Variants in PREP observed in about 807,000 individuals in gnomAD.
The protein encoded by PREP is dJ355L5.1 (prolyl endopeptidase).
In PREP, 29 loss-of-function variants were observed where a neutral mutation model predicts 87.6. The observed-to-expected ratio is 0.33, with a 90% confidence interval of 0.25 to 0.45. The LOEUF (loss-of-function observed/expected upper bound fraction) is 0.45. Ranked by LOEUF, PREP falls within the 20% of genes least tolerant of loss-of-function variation. The probability of loss-of-function intolerance (pLI) is 1.00; values close to 1 mark genes in which losing one functional copy is unlikely to be tolerated. For synonymous variants in PREP, 337 were observed against 328.6 expected, an observed-to-expected ratio of 1.03 and a Z score of -0.28; for missense variants, 695 against 886.5, an observed-to-expected ratio of 0.78 and a Z score of 2.74.
At chr6:105,302,883 C>A in intron 10 of PREP, 1 of 293,196 alleles carries the variant, frequency 3.4e-6, no homozygotes, top group South Asian at 2.9e-5. Context: ...TTTTGACCCT[C>A]AAATACCTAT....
rs1305170608 is a variant in PREP at position 105,278,675 on chromosome 6, G to T, written c.1839-237C>A. On this transcript the variant is annotated intron_variant, in intron 14 of 14. Coordinates refer to ENST00000652536, the MANE Select transcript of PREP (RefSeq NM_002726.5). The surrounding 1 kb of genome is among the most constrained non-coding windows in gnomAD (Gnocchi z 4.2). ...AAGACTGTAGGAAGGAAGCTCACAG[G>T]TCTGTTGAAACAACCCAAATCACAG... is the stretch of plus-strand genomic sequence containing the variant. Among the ~76,000 whole-genome samples the T allele has an allele frequency of 6.6e-6, 1 of 152,186 alleles. No homozygotes were observed. Among genetic ancestry groups the T allele is most frequent in the Non-Finnish European group, 1.5e-5 (1 of 68,030 alleles).
intron 5 of PREP, among the ~76,000 whole-genome samples, chr6:105,370,752 GA>G (rs1772516259): frequency 6.6e-6 from 1 of 152,082 alleles, no homozygotes; most frequent in Non-Finnish European, 1.5e-5. Flanking sequence ...ATCAGTAAGC[GA>G]AAAAAGCCAA....
At chr6:105,304,427 G>A (rs899459510) in intron 10 of PREP, among the ~76,000 whole-genome samples, 2 of 152,166 alleles carry the variant, frequency 1.3e-5, no homozygotes, top group Non-Finnish European at 2.9e-5. Context: ...AGGAACCCAA[G>A]TCATACATCT....
intron 7 of PREP, among the ~76,000 whole-genome samples, chr6:105,339,092 G>A (rs1246792967): frequency 6.6e-6 from 1 of 152,188 alleles, no homozygotes; most frequent in African/African-American, 2.4e-5. Flanking sequence ...CTCCTAAAGT[G>A]GGTCCCTGAC....
intron 2 of PREP, among the ~76,000 whole-genome samples, chr6:105,388,842 A>G (rs1316198617): frequency 6.6e-6 from 1 of 152,242 alleles, no homozygotes; most frequent in East Asian, 1.9e-4. Flanking sequence ...GGTGTCTCAC[A>G]GGCCAGCTCT....
intron 6 of PREP, among the ~76,000 whole-genome samples, chr6:105,356,398 C>T (rs983352728): frequency 2.0e-5 from 3 of 152,230 alleles, no homozygotes; most frequent in African/African-American, 7.2e-5. Flanking sequence ...TGTCAGCTTA[C>T]AGCCCCCTAG....
chr6:105,402,461 CA>C (rs1215251707), intron 1 of PREP, among the ~76,000 whole-genome samples: 1 of 152,054 alleles, frequency 6.6e-6, no homozygotes, highest in African/African-American at 2.4e-5. Flanking sequence ...CACACACACA[CA>C]CCCCAGCGGA....
intron 1 of PREP, among the ~76,000 whole-genome samples, chr6:105,398,275 C>G (rs1359859460): frequency 1.3e-5 from 2 of 152,150 alleles, no homozygotes; most frequent in African/African-American, 2.4e-5. Context: ...ATACAGTGGA[C>G]AATACAGTGG....
intron 7 of PREP, among the ~76,000 whole-genome samples, chr6:105,348,602 C>T (rs1435412398): frequency 6.6e-6 from 1 of 152,178 alleles, no homozygotes; most frequent in Admixed American, 6.5e-5. Context: ...ACAAGGAAGG[C>T]CAGGCACAGT....
intron 10 of PREP, among the ~76,000 whole-genome samples, chr6:105,320,196 A>C (rs532824752): frequency 6.6e-6 from 1 of 152,258 alleles, no homozygotes; most frequent in Admixed American, 6.5e-5. Context: ...CACAATAAAA[A>C]GCAGGAAAAA....
chr6:105,283,093 A>C (rs1009660695), intron 12 of PREP, among the ~76,000 whole-genome samples: 1 of 152,208 alleles, frequency 6.6e-6, no homozygotes, highest in African/African-American at 2.4e-5. Flanking sequence ...CCTCTGCAGG[A>C]GTCTGACATG....
chr6:105,323,134 T>A, intron 10 of PREP: 1 of 1,301,588 alleles, frequency 7.7e-7, no homozygotes, highest in Non-Finnish European at 1.0e-6. Context: ...AAAAGGAGAT[T>A]CTTAACCTGA....
intron 7 of PREP, among the ~76,000 whole-genome samples, chr6:105,351,254 G>C (rs1185390289): frequency 3.3e-5 from 5 of 152,198 alleles, no homozygotes; most frequent in Admixed American, 2.6e-4. Context: ...TCAGTTGGAA[G>C]GCCTTAAGAG....
At chr6:105,283,244 G>A (rs1224467025) in intron 12 of PREP, among the ~76,000 whole-genome samples, 6 of 152,206 alleles carry the variant, frequency 3.9e-5, no homozygotes, top group South Asian at 2.1e-4. Flanking sequence ...GATCTTCAAC[G>A]TTTCCCCAGA....
Position 105,368,944 on chromosome 6 carries a change from C to A in PREP, c.676G>T (p.Ala226Ser), listed in dbSNP as rs1772467216. The change falls in exon 6 of 15, where the codon GCT (alanine) becomes TCT (serine). Residue 226 changes from alanine (A) to serine (S), a missense_variant. Physicochemically the swap from Ala to Ser is moderately conservative, Grantham distance 99 (BLOSUM62 1). This residue lies in a region of PREP where 517 missense variants were observed against 620.3 expected (regional missense o/e 0.83). Coordinates refer to ENST00000652536, the MANE Select transcript of PREP (RefSeq NM_002726.5). The stretch of plus-strand genomic sequence containing the variant: ...CATTTAGGTTCATCAGGAAACTCAG[C>A]ACACAAAATATCTTCTGACTGATCG... ...GTDQSEDILC[A>S]EFPDEPKWMG... is the part of the protein sequence containing the mutation. 6.2e-7 allele frequency: 1 copy of A among 1,614,054 alleles called. No homozygotes were observed. The highest frequency in any genetic ancestry group is 8.5e-7 in the Non-Finnish European group (1 of 1,179,976).
At chr6:105,315,798 AT>A (rs1770851489) in intron 10 of PREP, among the ~76,000 whole-genome samples, 1 of 152,194 alleles carries the variant, frequency 6.6e-6, no homozygotes, top group African/African-American at 2.4e-5. Flanking sequence ...TTGAACTTTT[AT>A]GTTGTGCAGA....
Position 105,284,766 on chromosome 6 carries a change from T to C in PREP, c.1549+720A>G, listed in dbSNP as rs146174856. Among the ~76,000 whole-genome samples, 70 of 152,226 alleles carry C rather than the reference T, an allele frequency of 4.6e-4. 1 individual carries two copies. The East Asian group carries it at 0.013, about 29-fold the overall frequency. On this transcript the variant is annotated intron_variant, in intron 12 of 14. Coordinates refer to ENST00000652536, the MANE Select transcript of PREP (RefSeq NM_002726.5). ...AAGCCTGGGTGAGGGGTGCTCCACA[T>C]AGAAAGAAATGGAAGAGATGCAGCT...
intron 6 of PREP, among the ~76,000 whole-genome samples, chr6:105,362,691 C>G (rs974491887): frequency 2.0e-5 from 3 of 152,198 alleles, no homozygotes; most frequent in African/African-American, 7.2e-5. Flanking sequence ...CTGAGATTTT[C>G]CTGTGTGCTT....
chr6:105,364,061 T>C (rs933965581), intron 6 of PREP, among the ~76,000 whole-genome samples: 16 of 152,176 alleles, frequency 1.1e-4, no homozygotes, highest in Admixed American at 1.0e-3. Context: ...GTTTCTCTTG[T>C]CTTACTCCTC....
Sources: allele counts gnomAD v4.1 joint callset (sites outside exome capture counted in the v4.1 genomes callset), GRCh38; gene constraint gnomAD v4.1.1; regional missense constraint gnomAD v4.1.1; non-coding constraint Gnocchi (gnomAD v3.1); transcripts MANE v1.5; gene names NCBI Gene and HGNC (gene_info 2026-07-23, HGNC 2026-07-21).